TBC1D5: variants seen among roughly 807,000 people sequenced by gnomAD.
The protein encoded by TBC1D5 is TBC1 domain family, member 5.
A neutral mutation model predicts 100.3 loss-of-function variants in TBC1D5; 75 were observed. The observed-to-expected ratio is 0.75, with a 90% CI of 0.62 to 0.91. TBC1D5 has a LOEUF of 0.91. Among genes scored for constraint, TBC1D5 ranks in the 40% least tolerant of loss-of-function variants. The pLI is 0.00. For missense variants in TBC1D5, 910 were observed against 942.4 expected (o/e 0.97, Z 0.45); for synonymous variants, 323 against 325.6 (o/e 0.99, Z 0.09).
At chr3:17,648,441 C>T (rs1347518558) in intron 1 of TBC1D5, among the ~76,000 whole-genome samples, 1 of 152,110 alleles carries the variant, frequency 6.6e-6, no homozygotes, top group Non-Finnish European at 1.5e-5. Flanking sequence ...GACAAAGACA[C>T]CAAAAGCAAC....
rs561038855 is a variant in TBC1D5, at chr3:17,336,710, G to GA, written c.996-28577dup. ...TCCTGAAGCTAAATGTAGCATCACT[G>GA]AAAAAAAAAAAGATAAAAATCCAAA... On this transcript the variant is annotated intron_variant, in intron 13 of 21. Coordinates refer to ENST00000253692, the Ensembl canonical transcript of TBC1D5. Among the ~76,000 whole-genome samples the GA allele has an allele frequency of 1.3e-3, 184 of 142,020 alleles. 2 individuals are homozygous for GA. Among genetic ancestry groups the GA allele is most frequent in the East Asian group, 0.013 (63 of 4,950 alleles). 93.2% of individuals were successfully genotyped at this position (142,020 alleles called of 152,430 possible).
At chr3:17,724,056 T>C (rs2075910478) in intron 1 of TBC1D5, among the ~76,000 whole-genome samples, 2 of 151,470 alleles carry the variant, frequency 1.3e-5, no homozygotes, top group South Asian at 2.1e-4. Context: ...TCATCAGGTA[T>C]AGAAATCCCG....
intron 2 of TBC1D5, among the ~76,000 whole-genome samples, chr3:17,547,775 G>C (rs543899172): frequency 6.6e-6 from 1 of 152,266 alleles, no homozygotes; most frequent in African/African-American, 2.4e-5. Context: ...CATGAGGATA[G>C]TTGATTTCAT....
At chr3:17,294,089 T>C (rs568079570) in intron 14 of TBC1D5, among the ~76,000 whole-genome samples, 41 of 152,228 alleles carry the variant, frequency 2.7e-4, no homozygotes, top group Non-Finnish European at 4.0e-4. Context: ...AGAGACATAA[T>C]GGATGCATAT....
chr3:17,677,439 C>A (rs1271443712), intron 1 of TBC1D5, among the ~76,000 whole-genome samples: 1 of 152,126 alleles, frequency 6.6e-6, no homozygotes, highest in African/African-American at 2.4e-5. Context: ...CAAAGCAAAA[C>A]CACAATGAGA....
At chr3:17,295,575 G>A (rs1461637171) in intron 14 of TBC1D5, among the ~76,000 whole-genome samples, 1 of 152,146 alleles carries the variant, frequency 6.6e-6, no homozygotes, top group Admixed American at 6.5e-5. Flanking sequence ...AAAAGTAACT[G>A]TTTTGAGAAA....
chr3:17,616,024 T>C (rs1012418597), intron 2 of TBC1D5, among the ~76,000 whole-genome samples: 8 of 152,216 alleles, frequency 5.3e-5, no homozygotes, highest in Non-Finnish European at 8.8e-5. Context: ...TGTGGGCATT[T>C]AGAGCTATAA....
chr3:17,379,042 A>T (rs1196043742), intron 9 of TBC1D5, among the ~76,000 whole-genome samples: 3 of 151,806 alleles, frequency 2.0e-5, no homozygotes, highest in Non-Finnish European at 4.4e-5. Flanking sequence ...TAACTGTACC[A>T]TTATAAAGAT....
intron 3 of TBC1D5, among the ~76,000 whole-genome samples, chr3:17,439,089 T>A (rs1169185769): frequency 6.6e-6 from 1 of 152,292 alleles, no homozygotes; most frequent in East Asian, 1.9e-4. Flanking sequence ...AACATCTTTT[T>A]CTAGAGAAAA....
intron 3 of TBC1D5, among the ~76,000 whole-genome samples, chr3:17,495,981 C>A (rs2095702378): frequency 1.3e-5 from 2 of 152,138 alleles, no homozygotes. Flanking sequence ...TAGTGTTTAC[C>A]TTTCCATGTA....
chr3:17,689,239 G>T (rs1353191559), intron 1 of TBC1D5, among the ~76,000 whole-genome samples: 2 of 152,038 alleles, frequency 1.3e-5, no homozygotes, highest in Admixed American at 1.3e-4. Context: ...TAGAAAATGC[G>T]TTAGACACTC....
chr3:17,421,667 C>T (rs1034120840), intron 4 of TBC1D5, among the ~76,000 whole-genome samples: 12 of 152,122 alleles, frequency 7.9e-5, no homozygotes, highest in African/African-American at 1.9e-4. Context: ...AAGTACTTTA[C>T]ACATTTTACA....
chr3:17,400,633 G>T (rs2093621808), intron 8 of TBC1D5, among the ~76,000 whole-genome samples: 1 of 152,070 alleles, frequency 6.6e-6, no homozygotes, highest in Non-Finnish European at 1.5e-5. Flanking sequence ...GTCTGTGAGG[G>T]TGTTGCCAAA....
intron 1 of TBC1D5, among the ~76,000 whole-genome samples, chr3:17,656,766 A>G (rs1012642054): frequency 1.3e-5 from 2 of 152,144 alleles, no homozygotes; most frequent in African/African-American, 2.4e-5. Context: ...ATACACTTTC[A>G]TATGTTTTTT....
At chr3:17,627,048 G>A (rs1017769990) in intron 1 of TBC1D5, among the ~76,000 whole-genome samples, 13 of 152,162 alleles carry the variant, frequency 8.5e-5, no homozygotes, top group African/African-American at 3.1e-4. Flanking sequence ...CAAATTAAGA[G>A]ACTTCTAAAG....
At chr3:17,486,787 T>C (rs763104749) in intron 3 of TBC1D5, among the ~76,000 whole-genome samples, 19 of 152,182 alleles carry the variant, frequency 1.2e-4, no homozygotes, top group African/African-American at 1.7e-4. Flanking sequence ...CTTATATTCC[T>C]AGTGCCAGAG....
At chr3:17,359,544 T>G (rs1193744643) in intron 13 of TBC1D5, among the ~76,000 whole-genome samples, 1 of 152,086 alleles carries the variant, frequency 6.6e-6, no homozygotes, top group Non-Finnish European at 1.5e-5. Flanking sequence ...CAGGAGACAC[T>G]TATCTAGAAA....
At chr3:17,489,359 C>T (rs2095610038) in intron 3 of TBC1D5, among the ~76,000 whole-genome samples, 1 of 152,084 alleles carries the variant, frequency 6.6e-6, no homozygotes. Flanking sequence ...TTAAAATAAA[C>T]AATGCAATGC....
chr3:17,411,459 T>C (rs1477172069), intron 4 of TBC1D5, among the ~76,000 whole-genome samples: 1 of 152,148 alleles, frequency 6.6e-6, no homozygotes, highest in East Asian at 1.9e-4. Context: ...TTGTAGTCTG[T>C]GAACAACAAG....
Sources: allele counts gnomAD v4.1 joint callset (sites outside exome capture counted in the v4.1 genomes callset), GRCh38; gene constraint gnomAD v4.1.1; transcripts MANE v1.5; gene names NCBI Gene and HGNC (gene_info 2026-07-23, HGNC 2026-07-21).